KCNJ3: variants seen among roughly 807,000 people sequenced by gnomAD.
KCNJ3 encodes the protein potassium inwardly rectifying channel subfamily J member 3, also known as G protein-activated inward rectifier potassium channel 1.
A neutral mutation model predicts 39.2 loss-of-function variants in KCNJ3; 4 were observed. The observed-to-expected ratio is 0.10, with a 90% CI of 0.05 to 0.23. The LOEUF is 0.23. KCNJ3 is among the 10% of genes least tolerant of loss of function. The pLI is 1.00. For synonymous variants in KCNJ3, 230 were observed against 237.4 expected (o/e 0.97, Z 0.29); for missense variants, 276 against 634.9 (o/e 0.43, Z 6.08).
chr2:154,813,676 A>G, intron 2 of KCNJ3, among the ~76,000 whole-genome samples: 1 of 152,228 alleles, frequency 6.6e-6, no homozygotes. Flanking sequence ...AATATAAATT[A>G]TCTTGATACT....
At chr2:154,841,624 A>C (rs1341127997) in intron 2 of KCNJ3, among the ~76,000 whole-genome samples, 1 of 152,126 alleles carries the variant, frequency 6.6e-6, no homozygotes, top group Non-Finnish European at 1.5e-5. Context: ...TTATTGGTCT[A>C]TTCAGAGATT....
intron 2 of KCNJ3, among the ~76,000 whole-genome samples, chr2:154,805,136 G>C (rs372197383): frequency 6.6e-6 from 1 of 152,094 alleles, no homozygotes; most frequent in East Asian, 1.9e-4. Context: ...CTATAAGTTT[G>C]TGTTCAAAAG....
chr2:154,845,722 G>A (rs1392485705), intron 2 of KCNJ3, among the ~76,000 whole-genome samples: 1 of 152,104 alleles, frequency 6.6e-6, no homozygotes, highest in South Asian at 2.1e-4. Flanking sequence ...TGTAATCCCA[G>A]CACTTTGGGA....
chr2:154,800,826 T>G (rs6742642), intron 2 of KCNJ3, among the ~76,000 whole-genome samples: 2,622 of 152,286 alleles, frequency 0.017, 86 homozygotes, highest in African/African-American at 0.06. Flanking sequence ...AAGAGTCTCC[T>G]TATTGTATAG....
chr2:154,754,709 G>A (rs1436361069), intron 2 of KCNJ3, among the ~76,000 whole-genome samples: 4 of 151,928 alleles, frequency 2.6e-5, no homozygotes, highest in Non-Finnish European at 4.4e-5. Flanking sequence ...ATTTTTTTCA[G>A]TGGAAGTTAT....
chr2:154,761,765 T>C (rs1686049763), intron 2 of KCNJ3, among the ~76,000 whole-genome samples: 1 of 152,212 alleles, frequency 6.6e-6, no homozygotes, highest in Non-Finnish European at 1.5e-5. Flanking sequence ...GAGAATTATG[T>C]AAAATGTAAT....
chr2:154,766,158 A>T (rs1686129356), intron 2 of KCNJ3, among the ~76,000 whole-genome samples: 1 of 152,222 alleles, frequency 6.6e-6, no homozygotes, highest in Non-Finnish European at 1.5e-5. Flanking sequence ...TTCTTTCTGC[A>T]AAAGGACGTA....
intron 2 of KCNJ3, among the ~76,000 whole-genome samples, chr2:154,756,799 A>G (rs1685944892): frequency 6.6e-6 from 1 of 152,094 alleles, no homozygotes; most frequent in South Asian, 2.1e-4. Flanking sequence ...TGTGTCATAT[A>G]ATAGAGCAAA....
intron 2 of KCNJ3, among the ~76,000 whole-genome samples, chr2:154,831,793 A>G (rs1006662773): frequency 5.3e-5 from 8 of 152,194 alleles, no homozygotes; most frequent in African/African-American, 1.7e-4. Flanking sequence ...GCAGGAGCAC[A>G]TCTAGGTGGG....
At chr2:154,793,664 C>G (rs796575943) in intron 2 of KCNJ3, among the ~76,000 whole-genome samples, 1 of 151,996 alleles carries the variant, frequency 6.6e-6, no homozygotes, top group African/African-American at 2.4e-5. Flanking sequence ...TTTAGTTTCG[C>G]CAAGTATTAG....
chr2:154,705,033 C>T (rs1270229083), intron 1 of KCNJ3, among the ~76,000 whole-genome samples: 1 of 152,160 alleles, frequency 6.6e-6, no homozygotes, highest in African/African-American at 2.4e-5. Context: ...CCAGCAAGGA[C>T]TTGTGAAAGG....
intron 2 of KCNJ3, among the ~76,000 whole-genome samples, chr2:154,850,344 T>C (rs1687737858): frequency 6.6e-6 from 1 of 152,218 alleles, no homozygotes; most frequent in Non-Finnish European, 1.5e-5. Context: ...TAAAGCATTC[T>C]AATTCTAGAA....
intron 2 of KCNJ3, among the ~76,000 whole-genome samples, chr2:154,743,776 G>T (rs1685691560): frequency 6.6e-6 from 1 of 151,366 alleles, no homozygotes; most frequent in Non-Finnish European, 1.5e-5. Context: ...CTCCAAAAAA[G>T]CAGTTTTATT....
At chr2:154,769,499 G>A (rs1686199115) in intron 2 of KCNJ3, among the ~76,000 whole-genome samples, 1 of 152,088 alleles carries the variant, frequency 6.6e-6, no homozygotes, top group Admixed American at 6.5e-5. Flanking sequence ...TTACTGATTT[G>A]CGTATGTTGC....
intron 2 of KCNJ3, among the ~76,000 whole-genome samples, chr2:154,759,077 G>A (rs1444475320): frequency 6.6e-6 from 1 of 152,124 alleles, no homozygotes; most frequent in African/African-American, 2.4e-5. Flanking sequence ...GCTGACTCAG[G>A]AACAGATGGT....
intron 2 of KCNJ3, among the ~76,000 whole-genome samples, chr2:154,787,345 T>C (rs187786326): frequency 1.3e-5 from 2 of 152,112 alleles, no homozygotes; most frequent in Admixed American, 1.3e-4. Flanking sequence ...TTTTGTGCCT[T>C]CTTAATACTC....
chr2:154,729,781 T>C (rs1685420837), intron 2 of KCNJ3, among the ~76,000 whole-genome samples: 1 of 152,180 alleles, frequency 6.6e-6, no homozygotes, highest in East Asian at 1.9e-4. Context: ...AATGTTTTAT[T>C]ATAAAGCAAA....
intron 2 of KCNJ3, among the ~76,000 whole-genome samples, chr2:154,768,611 C>T (rs1686177719): frequency 6.6e-6 from 1 of 152,168 alleles, no homozygotes; most frequent in Non-Finnish European, 1.5e-5. Context: ...AGTTTGAAGT[C>T]AGGTAGCATG....
intron 2 of KCNJ3, among the ~76,000 whole-genome samples, chr2:154,780,420 T>C (rs1316194183): frequency 6.6e-6 from 1 of 152,114 alleles, no homozygotes; most frequent in Admixed American, 6.6e-5. Context: ...AAAGAGGACA[T>C]GATAGGATTT....
Sources: gnomAD v4.1 joint callset for allele counts (sites outside exome capture counted in the v4.1 genomes callset) on GRCh38, gnomAD v4.1.1 for gene constraint, MANE v1.5 for transcripts, NCBI Gene and HGNC (gene_info 2026-07-23, HGNC 2026-07-21) for gene names.